The following THSD4 variants were observed in gnomAD, a reference collection of about 807,000 sequenced individuals.
THSD4 encodes the protein thrombospondin type-1 domain-containing protein 4.
A neutral mutation model predicts 119.0 loss-of-function variants in THSD4; 69 were observed. That is an observed-to-expected ratio of 0.58 (90% CI 0.48 to 0.71). The LOEUF (loss-of-function observed/expected upper bound fraction) is 0.71. THSD4 is among the 30% of genes least tolerant of loss of function. The probability of loss-of-function intolerance (pLI) is 0.00; values close to 1 mark genes in which losing one functional copy is unlikely to be tolerated. For missense variants in THSD4, 1,393 were observed against 1,391.1 expected (o/e 1.00, Z -0.02); for synonymous variants, 524 against 540.4 (o/e 0.97, Z 0.42).
At chr15:71,370,497 G>A (rs1156365945) in intron 6 of THSD4, among the ~76,000 whole-genome samples, 1 of 152,104 alleles carries the variant, frequency 6.6e-6, no homozygotes, top group Non-Finnish European at 1.5e-5. Flanking sequence ...GTTCTCATTG[G>A]TTTCAAAGAA....
Position 71,470,803 on chromosome 15 carries a change from T to A in THSD4, c.1152+58980T>A, listed in dbSNP as rs1056606935. Among the ~76,000 whole-genome samples, 4 of 151,252 alleles carry A rather than the reference T, an allele frequency of 2.6e-5. No individual in the cohort carries two copies. The East Asian group carries it at 7.8e-4, about 30-fold the overall frequency. ...GGCGCCCGCCACCGCGCCCGGCTAA[T>A]TTTTTGTATTTTTAGTAGAGACGGG... On this transcript the variant is annotated intron_variant, in intron 7 of 17. Coordinates refer to ENST00000261862, the MANE Select transcript of THSD4 (RefSeq NM_024817.3).
Position 71,591,005 on chromosome 15 carries a change from C to CAAAAAAAAA in THSD4, c.1153-69501_1153-69493dup, listed in dbSNP as rs67271025. Among the ~76,000 whole-genome samples the CAAAAAAAAA allele has an allele frequency of 3.1e-3, 181 of 57,500 alleles. 2 individuals carry two copies. The highest frequency in any genetic ancestry group is 4.6e-3 in the Non-Finnish European group (153 of 32,954). The allele number at this position is 57,500 out of a possible 152,430, so 37.7% of individuals were successfully genotyped here. On this transcript the variant is annotated intron_variant, in intron 7 of 17. Transcript: ENST00000261862. ...TGGGCGACAGAGCAAGACTCCATCTCAAAAAAAAAAAAAAAAAAAAAAAAA... is the reference window on the plus strand; with the variant it reads ...TGGGCGACAGAGCAAGACTCCATCTCAAAAAAAAAAAAAAAAAAAAAAAAAAAAAAAAAA...
chr15:71,508,937 A>ATTTT (rs56074729), intron 7 of THSD4, among the ~76,000 whole-genome samples: 31,165 of 143,838 alleles, frequency 0.22, 3,531 homozygotes, highest in African/African-American at 0.24. Context: ...AAAAGGATGG[A>ATTTT]TTTTTTTTTT....
At chr15:71,464,516 T>A (rs749817104) in intron 7 of THSD4, among the ~76,000 whole-genome samples, 9 of 152,314 alleles carry the variant, frequency 5.9e-5, no homozygotes, top group Admixed American at 2.0e-4. Context: ...TTACCCACAG[T>A]CTGTGTCTTG....
intron 1 of THSD4, among the ~76,000 whole-genome samples, chr15:71,105,044 G>GAT (rs2040268581): frequency 6.6e-6 from 1 of 152,096 alleles, no homozygotes; most frequent in Non-Finnish European, 1.5e-5. Flanking sequence ...AAAGGGTGGG[G>GAT]ATATATCACC....
chr15:71,679,607 G>A lies in THSD4; in HGVS notation c.1357+18873G>A, dbSNP rs540178470. On this transcript the variant is annotated intron_variant, in intron 8 of 17. Transcript: ENST00000261862. ...AGCTAAGGTACAGAGAAGGAAGAAT[G>A]TGAGGCATGTTCTGGACTTAGTCAC... Among the ~76,000 whole-genome samples the A allele has an allele frequency of 2.4e-4, 37 of 152,384 alleles. No homozygotes were observed. In the South Asian group the frequency reaches 7.5e-3, roughly 31 times the overall value.
intron 8 of THSD4, among the ~76,000 whole-genome samples, chr15:71,717,352 T>G (rs1369318517): frequency 6.6e-6 from 1 of 152,160 alleles, no homozygotes; most frequent in East Asian, 1.9e-4. Context: ...AAAGACAGTG[T>G]AAAAAGCAAA....
chr15:71,198,007 C>A (rs1206269443), intron 3 of THSD4, among the ~76,000 whole-genome samples: 1 of 152,168 alleles, frequency 6.6e-6, no homozygotes, highest in Non-Finnish European at 1.5e-5. Context: ...ATAATCCCAA[C>A]ACTTTGGGAG....
intron 7 of THSD4, among the ~76,000 whole-genome samples, chr15:71,606,527 G>GTTTA (rs60265226): frequency 0.36 from 54,812 of 150,722 alleles, 10,580 homozygotes; most frequent in East Asian, 0.74. Flanking sequence ...AATGGCAATT[G>GTTTA]TTTATTTATT....
chr15:71,410,426 G>C (rs549238938), intron 6 of THSD4, among the ~76,000 whole-genome samples: 14 of 152,270 alleles, frequency 9.2e-5, no homozygotes, highest in African/African-American at 2.9e-4. Context: ...AAATGCAAGC[G>C]AAGTACAAAT....
At chr15:71,577,737 T>TATTTTATTTTATTTTATTTC (rs58028304) in intron 7 of THSD4, among the ~76,000 whole-genome samples, 2 of 150,548 alleles carry the variant, frequency 1.3e-5, no homozygotes, top group Admixed American at 6.7e-5. Flanking sequence ...TATTTTATTT[T>TATTTTATTTTATTTTATTTC]TGAGACGGAG....
intron 1 of THSD4, among the ~76,000 whole-genome samples, chr15:71,137,326 T>C (rs2040560598): frequency 6.6e-6 from 1 of 152,158 alleles, no homozygotes; most frequent in Non-Finnish European, 1.5e-5. Flanking sequence ...GCCCATCTTG[T>C]CAACATTGGC....
intron 6 of THSD4, among the ~76,000 whole-genome samples, chr15:71,358,605 C>T (rs1051927886): frequency 6.6e-6 from 1 of 152,250 alleles, no homozygotes; most frequent in African/African-American, 2.4e-5. Context: ...CTTCACTGTG[C>T]ATGGGTTTCC....
intron 7 of THSD4, among the ~76,000 whole-genome samples, chr15:71,523,807 A>G (rs896919257): frequency 2.0e-4 from 30 of 152,208 alleles, no homozygotes; most frequent in Non-Finnish European, 2.5e-4. Flanking sequence ...CTAATTTGAC[A>G]CCAAGGCATA....
chr15:71,745,054 C>G, intron 11 of THSD4, 52 bp from the exon 12 acceptor site: 2 of 1,570,704 alleles, frequency 1.3e-6, no homozygotes, highest in Non-Finnish European at 1.7e-6. Flanking sequence ...CACCCATAGC[C>G]CAGCTTTCCA....
At chr15:71,626,012 C>T (rs4331298) in intron 7 of THSD4, among the ~76,000 whole-genome samples, 47,344 of 152,138 alleles carry the variant, frequency 0.31, 7,780 homozygotes, top group Middle Eastern at 0.4. Context: ...TCTTCTTTTA[C>T]GTCCTTTTAG....
At chr15:71,621,460 T>C (rs895350706) in intron 7 of THSD4, among the ~76,000 whole-genome samples, 7 of 152,188 alleles carry the variant, frequency 4.6e-5, no homozygotes, top group African/African-American at 1.7e-4. Context: ...ATTTGTTGTT[T>C]TGCACACTCA....
chr15:71,697,547 G>A (rs1473581732), intron 8 of THSD4, among the ~76,000 whole-genome samples: 2 of 152,210 alleles, frequency 1.3e-5, no homozygotes, highest in Non-Finnish European at 2.9e-5. Context: ...AAGGGGCTCT[G>A]CTGTAAAGAA....
intron 4 of THSD4, among the ~76,000 whole-genome samples, chr15:71,234,576 C>T (rs891888957): frequency 6.6e-6 from 1 of 152,016 alleles, no homozygotes; most frequent in Non-Finnish European, 1.5e-5. Flanking sequence ...AAAGTCCTGG[C>T]GAGCCACCAC....
Sources: gnomAD v4.1 joint callset for allele counts (sites outside exome capture counted in the v4.1 genomes callset) on GRCh38, gnomAD v4.1.1 for gene constraint, MANE v1.5 for transcripts, NCBI Gene and HGNC (gene_info 2026-07-23, HGNC 2026-07-21) for gene names.